The following ZNF24 variants were observed in gnomAD, a reference collection of about 807,000 sequenced individuals.
ZNF24 encodes the protein zinc finger protein 24, also known as retinoic acid suppression protein A.
ZNF24 carries 11 observed loss-of-function variants against 40.9 expected under a neutral mutation model. The ratio of observed to expected loss-of-function variants is 0.27; its 90% confidence interval spans 0.17 to 0.45. The LOEUF is 0.45. Among genes scored for constraint, ZNF24 ranks in the 20% least tolerant of loss-of-function variants. ZNF24 has a pLI of 1.00. For synonymous variants in ZNF24, 139 were observed against 154.7 expected (o/e 0.90, Z 0.75); for missense variants, 293 against 437.7 (o/e 0.67, Z 2.95).
intron 3 of ZNF24, chr18:35,338,147 T>C (rs1181797451): frequency 1.0e-6 from 1 of 985,376 alleles, no homozygotes; most frequent in Non-Finnish European, 1.2e-6. Context: ...ATAATGTTCT[T>C]TTACTTTGAG....
chr18:35,341,201 A>G (rs954410350), intron 1 of ZNF24, among the ~76,000 whole-genome samples: 1 of 152,238 alleles, frequency 6.6e-6, no homozygotes, highest in African/African-American at 2.4e-5. Flanking sequence ...CATGCACTAC[A>G]AAATGATGTT....
Position 35,337,789 on chromosome 18 carries a change from G to T in ZNF24, c.569-19C>A. On this transcript the variant is annotated intron_variant, in intron 3 of 3. Coordinates refer to ENST00000261332, the MANE Select transcript of ZNF24 (RefSeq NM_006965.4). ...TCATCATCTGAAATAAACAGAAAAT[G>T]TAAATATCATTCATTATCTATTAAG... The T allele has an allele frequency of 6.6e-7, 1 of 1,519,536 alleles. No homozygotes were observed. 94.1% of individuals were successfully genotyped at this position (1,519,536 alleles called of 1,614,324 possible).
chr18:35,342,860 C>G (rs2044982399), intron 1 of ZNF24, among the ~76,000 whole-genome samples: 1 of 152,154 alleles, frequency 6.6e-6, no homozygotes. Flanking sequence ...AAAAAGTTTG[C>G]CAATCATGAC....
At position 35,335,673 on chromosome 18, in the gene ZNF24, C is replaced by T. The variant is rs1384481621; in HGVS notation, c.*1559G>A. 2.0e-5 allele frequency: 3 copies of T among 152,024 alleles called. No homozygotes were observed. Among genetic ancestry groups the T allele is most frequent in the Non-Finnish European group, 2.9e-5 (2 of 67,998 alleles). The allele number at this position is 152,024 out of a possible 1,614,324, so 9.4% of individuals were successfully genotyped here. On this transcript the variant is annotated 3_prime_UTR_variant, in exon 4 of 4. Coordinates refer to ENST00000261332, the MANE Select transcript of ZNF24 (RefSeq NM_006965.4). ...AGAGTTTTCCACTAAACAGTAGAAC[C>T]ACAGTACTTGGAATTCTCAGCCAAG...
Position 35,336,785 on chromosome 18 carries a change from G to C in ZNF24, c.*447C>G, listed in dbSNP as rs372546191. On this transcript the variant is annotated 3_prime_UTR_variant, in exon 4 of 4. Transcript: ENST00000261332. ...TCAAATTAGGTAAAAGGAAATAAGGGTAAATTTTTAAAAGATGGTTTAAAA... is the reference window on the plus strand; with the variant it reads ...TCAAATTAGGTAAAAGGAAATAAGGCTAAATTTTTAAAAGATGGTTTAAAA... 6.5e-6 allele frequency: 1 copy of C among 152,704 alleles called. No individual in the cohort carries two copies. Among genetic ancestry groups the C allele is most frequent in the Non-Finnish European group, 1.5e-5 (1 of 68,414 alleles). 9.5% of individuals were successfully genotyped at this position (152,704 alleles called of 1,614,324 possible). A position where few individuals can be genotyped will look rare whatever the true frequency, so the allele number is the denominator to read the frequency against.
Position 35,340,560 on chromosome 18 carries a change from C to G in ZNF24, c.91G>C (p.Asp31His), listed in dbSNP as rs367586570. Residue 31 changes from aspartate (D) to histidine (H), a missense_variant, in exon 2 of 4, where the codon GAT (aspartate) becomes CAT (histidine). Physicochemically the swap from Asp to His is moderately conservative, Grantham distance 81 (BLOSUM62 -1). Around this residue, in one of 2 missense-constraint regions of ZNF24, gnomAD observed 234 missense variants for 299.2 expected, o/e 0.78. Transcript: ENST00000261332. The surrounding 1 kb of genome is among the most constrained non-coding windows in gnomAD (Gnocchi z 4.6). ...CTTGATCCCTCTTCGCCATCAGGAT[C>G]CTCCTCCAACTTCACTCTCAGAATT... ...EKILRVKLEE[D>H]PDGEEGSSIP... 8.1e-6 allele frequency: 13 copies of G among 1,614,076 alleles called. No homozygotes were observed. Among genetic ancestry groups the G allele is most frequent in the Non-Finnish European group, 1.1e-5 (13 of 1,180,050 alleles).
chr18:35,337,379 C>A lies in ZNF24; in HGVS notation c.960G>T (p.Ser320=). Residue 320 remains serine (S), a synonymous_variant, in exon 4 of 4, where the codon TCG becomes TCT. Transcript: ENST00000261332. ...GGATTCTCTGATGATTAATAAGCCC[C>A]GAATTCTGGCTAAAGGCTTTCCCAC... ...LECGKAFSQN[S]GLINHQRIHT... 2.5e-6 allele frequency: 4 copies of A among 1,613,996 alleles called. No individual in the cohort carries two copies. Among genetic ancestry groups the A allele is most frequent in the Non-Finnish European group, 3.4e-6 (4 of 1,179,952 alleles).
Position 35,333,477 on chromosome 18 carries a change from C to T in ZNF24, c.*3755G>A, listed in dbSNP as rs1171508594. Reference sequence around the variant, plus strand: ...GTTTTTTATACAATGAGAAGGTAGTCATTAGACTTTCATAATTAAAAAAAG... The same window carrying T: ...GTTTTTTATACAATGAGAAGGTAGTTATTAGACTTTCATAATTAAAAAAAG... On this transcript the variant is annotated 3_prime_UTR_variant, in exon 4 of 4. Transcript: ENST00000261332. 2 of 151,880 alleles carry T rather than the reference C, an allele frequency of 1.3e-5. No homozygotes were observed. The highest frequency in any genetic ancestry group is 1.9e-4 in the East Asian group (1 of 5,186). The allele number at this position is 151,880 out of a possible 1,614,324, so 9.4% of individuals were successfully genotyped here.
Position 35,332,366 on chromosome 18 carries a change from TA to T in ZNF24, c.*4865del. 6.6e-6 allele frequency: 1 copy of T among 152,202 alleles called. No individual in the cohort carries two copies. Among genetic ancestry groups the T allele is most frequent in the Non-Finnish European group, 1.5e-5 (1 of 68,034 alleles). The allele number at this position is 152,202 out of a possible 1,614,324, so 9.4% of individuals were successfully genotyped here. On this transcript the variant is annotated 3_prime_UTR_variant, in exon 4 of 4. Transcript: ENST00000261332. ...GAACAGAAACTCAATTCAATTATCT[TA>T]AACAAGAAAGGGACTTTATTGGCTC...
At chr18:35,342,438 A>G (rs11665396) in intron 1 of ZNF24, 131,419 of 152,232 alleles carry the variant, frequency 0.86, 57,602 homozygotes, top group Non-Finnish European at 0.91. Context: ...GGAATGTACA[A>G]TAATGTCCCA....
chr18:35,343,081 T>C (rs995760257), intron 1 of ZNF24, among the ~76,000 whole-genome samples: 1 of 152,236 alleles, frequency 6.6e-6, no homozygotes, highest in Non-Finnish European at 1.5e-5. Context: ...AAAAATATTT[T>C]TAAGGTGTTT....
At chr18:35,343,643 G>A (rs1057411442) in intron 1 of ZNF24, 1 of 152,172 alleles carries the variant, frequency 6.6e-6, no homozygotes, top group Non-Finnish European at 1.5e-5. Context: ...TTATACATAA[G>A]GTCTAGCCAA....
rs1056611201 is a variant in ZNF24, at chr18:35,334,948, AC to A, written c.*2283del. 6.6e-6 allele frequency: 1 copy of A among 152,180 alleles called. No homozygotes were observed. Among genetic ancestry groups the A allele is most frequent in the African/African-American group, 2.4e-5 (1 of 41,440 alleles). The allele number at this position is 152,180 out of a possible 1,614,324, so 9.4% of individuals were successfully genotyped here. A position where few individuals can be genotyped will look rare whatever the true frequency, so the allele number is the denominator to read the frequency against. On this transcript the variant is annotated 3_prime_UTR_variant, in exon 4 of 4. Coordinates refer to ENST00000261332, the MANE Select transcript of ZNF24 (RefSeq NM_006965.4). ...CAATGCAGATATTAGAGCTGCCAAGACAAAAACAGTATTTGCCAACCCTCAT... is the reference window on the plus strand; with the variant it reads ...CAATGCAGATATTAGAGCTGCCAAGAAAAAACAGTATTTGCCAACCCTCAT...
chr18:35,338,848 G>A, intron 3 of ZNF24: 2 of 1,340,678 alleles, frequency 1.5e-6, no homozygotes, highest in Non-Finnish European at 1.9e-6. Flanking sequence ...TTCAGATGAT[G>A]AGAAGTTGAA....
intron 1 of ZNF24, among the ~76,000 whole-genome samples, chr18:35,341,211 T>C (rs535158272): frequency 1.1e-3 from 168 of 152,288 alleles, no homozygotes; most frequent in Admixed American, 2.4e-3. Flanking sequence ...AAAATGATGT[T>C]TGGGTCAATG....
rs566922886 is a variant in ZNF24 at position 35,334,887 on chromosome 18, A to G, written c.*2345T>C. The G allele has an allele frequency of 6.6e-6, 1 of 152,038 alleles. No individual in the cohort carries two copies. Among genetic ancestry groups the G allele is most frequent in the East Asian group, 1.9e-4 (1 of 5,186 alleles). 9.4% of individuals were successfully genotyped at this position (152,038 alleles called of 1,614,324 possible). A position where few individuals can be genotyped will look rare whatever the true frequency, so the allele number is the denominator to read the frequency against. On this transcript the variant is annotated 3_prime_UTR_variant, in exon 4 of 4. Transcript: ENST00000261332. Reference sequence around the variant, plus strand: ...TTTTTTGGTCCAGTCCCTTTTTCCCACAGAGCTTTGCCTTAGCCTCAGAAT... The same window carrying G: ...TTTTTTGGTCCAGTCCCTTTTTCCCGCAGAGCTTTGCCTTAGCCTCAGAAT...
chr18:35,338,422 A>G, intron 3 of ZNF24: 1 of 985,472 alleles, frequency 1.0e-6, no homozygotes, highest in Non-Finnish European at 1.2e-6. Context: ...TTGTCATGGT[A>G]CTTAGAAAAA....
intron 1 of ZNF24, chr18:35,342,783 T>C (rs4570942): frequency 0.86 from 131,430 of 152,252 alleles, 57,607 homozygotes; most frequent in Non-Finnish European, 0.91. Flanking sequence ...TAGCCTAACA[T>C]ATTTCTCAGA....
At chr18:35,339,997 T>C in intron 2 of ZNF24, 21 bp from the exon 3 acceptor site, 1 of 1,601,140 alleles carries the variant, frequency 6.2e-7, no homozygotes, top group Non-Finnish European at 8.5e-7. Context: ...AAAGATTTGA[T>C]TCAGAGAAGG....
Sources: gnomAD v4.1 joint callset for allele counts (sites outside exome capture counted in the v4.1 genomes callset) on GRCh38, gnomAD v4.1.1 for gene constraint, gnomAD v4.1.1 regional missense constraint, Gnocchi (gnomAD v3.1) non-coding constraint, MANE v1.5 for transcripts, NCBI Gene and HGNC (gene_info 2026-07-23, HGNC 2026-07-21) for gene names.